ALS2: variants seen among roughly 807,000 people sequenced by gnomAD.
ALS2 encodes alsin.
Under a neutral mutation model 203.4 loss-of-function variants are expected in ALS2, and 117 were observed. The ratio of observed to expected loss-of-function variants is 0.58; its 90% confidence interval spans 0.50 to 0.67. The LOEUF (loss-of-function observed/expected upper bound fraction) is 0.67. ALS2 is among the 30% of genes least tolerant of loss of function. The pLI is 0.00. For missense variants in ALS2, 1,715 were observed against 1,989.4 expected, an observed-to-expected ratio of 0.86 and a Z score of 2.62; for synonymous variants, 718 against 725.9, an observed-to-expected ratio of 0.99 and a Z score of 0.17.
chr2:201,766,411 C>G (rs934384431), intron 3 of ALS2, among the ~76,000 whole-genome samples: 8 of 151,498 alleles, frequency 5.3e-5, no homozygotes, highest in Non-Finnish European at 7.4e-5. Flanking sequence ...TTTGGGAGGT[C>G]GAGGCGGGTG....
Position 201,701,446 on chromosome 2 carries a change from T to TTCAGGCAAA in ALS2, c.*396_*404dup, listed in dbSNP as rs1257000289. On this transcript the variant is annotated 3_prime_UTR_variant, in exon 34 of 34. Transcript: ENST00000264276. ...ACGGATCGGGGTAACTGCAGGTGGATTCAGGCAAACCAGAAATTCAAAAAT... is the reference window on the plus strand; with the variant it reads ...ACGGATCGGGGTAACTGCAGGTGGATTCAGGCAAATCAGGCAAACCAGAAATTCAAAAAT... The TTCAGGCAAA allele has an allele frequency of 1.2e-5, 2 of 171,584 alleles. No individual in the cohort carries two copies. Among genetic ancestry groups the TTCAGGCAAA allele is most frequent in the African/African-American group, 4.8e-5 (2 of 41,726 alleles). The allele number at this position is 171,584 out of a possible 1,614,324, so 10.6% of individuals were successfully genotyped here.
chr2:201,742,701 G>C (rs1158407313), intron 10 of ALS2, among the ~76,000 whole-genome samples: 1 of 152,182 alleles, frequency 6.6e-6, no homozygotes, highest in Non-Finnish European at 1.5e-5. Flanking sequence ...CACAAATGCA[G>C]ACAGTCCTCA....
chr2:201,761,916 A>G, intron 3 of ALS2, 98 bp from the exon 4 acceptor site: 1 of 1,320,482 alleles, frequency 7.6e-7, no homozygotes, highest in South Asian at 1.4e-5. Context: ...ATTTAACCAA[A>G]TTGGATTTTC....
chr2:201,758,666 T>G (rs1693550092), intron 4 of ALS2, among the ~76,000 whole-genome samples: 1 of 152,112 alleles, frequency 6.6e-6, no homozygotes, highest in Non-Finnish European at 1.5e-5. Context: ...ATTGAAAAAT[T>G]TGCTTCTTAT....
chr2:201,732,399 C>CAA (rs11288102), intron 13 of ALS2, among the ~76,000 whole-genome samples: 1,571 of 85,108 alleles, frequency 0.018, 29 homozygotes, highest in African/African-American at 0.061. Context: ...ACTAAAAATA[C>CAA]AAAAAAAAAA....
intron 7 of ALS2, among the ~76,000 whole-genome samples, chr2:201,750,394 G>C (rs1692958168): frequency 6.6e-6 from 1 of 152,080 alleles, no homozygotes; most frequent in African/African-American, 2.4e-5. Context: ...ATATGTAAGA[G>C]GCAGGATTTA....
chr2:201,746,824 C>T (rs901144929), intron 8 of ALS2, 76 bp from the exon 9 acceptor site: 40 of 1,539,240 alleles, frequency 2.6e-5, no homozygotes, highest in East Asian at 1.8e-4. Flanking sequence ...GGAACTGAAA[C>T]GTTAGGTTGC....
rs1351721214 is a variant in ALS2 at position 201,741,660 on chromosome 2, G to A, written c.2351+14C>T. ...CCTGCAGAGATTGAACATGACACGG[G>A]ACTGGATACTTGCTCTGTATAACTA... On this transcript the variant is annotated intron_variant, in intron 11 of 33. Transcript: ENST00000264276. 6.2e-7 allele frequency: 1 copy of A among 1,612,698 alleles called. No individual in the cohort carries two copies. Among genetic ancestry groups the A allele is most frequent in the Non-Finnish European group, 8.5e-7 (1 of 1,178,990 alleles).
intron 9 of ALS2, among the ~76,000 whole-genome samples, chr2:201,745,464 TAAG>T (rs1692570784): frequency 2.0e-5 from 3 of 151,946 alleles, no homozygotes; most frequent in African/African-American, 7.3e-5. Context: ...TTAATAAAAA[TAAG>T]AAATCCTAGA....
intron 1 of ALS2, among the ~76,000 whole-genome samples, chr2:201,777,861 A>G (rs534277457): frequency 6.6e-6 from 1 of 152,296 alleles, no homozygotes; most frequent in African/African-American, 2.4e-5. Flanking sequence ...TGAGATGTAT[A>G]TATGTTGGTA....
intron 14 of ALS2, 30 bp downstream of exon 14, chr2:201,729,022 G>C: frequency 6.2e-7 from 1 of 1,613,924 alleles, no homozygotes; most frequent in South Asian, 1.1e-5. Context: ...CTGTTTGCTA[G>C]GGTAACAAAT....
intron 10 of ALS2, among the ~76,000 whole-genome samples, chr2:201,742,112 G>A (rs1465628459): frequency 6.6e-6 from 1 of 152,126 alleles, no homozygotes; most frequent in Non-Finnish European, 1.5e-5. Flanking sequence ...AGACTCTCCA[G>A]GTGATTTTAA....
chr2:201,728,744 G>A, intron 14 of ALS2, 104 bp from the exon 15 acceptor site: 4 of 1,385,270 alleles, frequency 2.9e-6, no homozygotes, highest in Non-Finnish European at 3.0e-6. Context: ...GAATTTGCTG[G>A]TCGTAGCTTA....
intron 1 of ALS2, among the ~76,000 whole-genome samples, chr2:201,776,712 T>C (rs1694677926): frequency 1.3e-5 from 2 of 152,168 alleles, no homozygotes; most frequent in Admixed American, 1.3e-4. Context: ...ATGACTTCTT[T>C]CACCAACTGA....
intron 21 of ALS2, among the ~76,000 whole-genome samples, chr2:201,723,809 A>G (rs189167341): frequency 1.8e-3 from 275 of 152,356 alleles, no homozygotes; most frequent in African/African-American, 6.2e-3. Flanking sequence ...TTCTTACACA[A>G]AAGTTTGCTA....
Position 201,733,353 on chromosome 2 carries a change from TATTCA to T in ALS2, c.2498_2502del (p.Leu833HisfsTer12), listed in dbSNP as rs773267341. ...CGTCTGATTGGCAAGAAAAACAAAG[TATTCA>T]GTATTTCCATCAACTGAGTGTTTTC... is the stretch of plus-strand genomic sequence containing the variant. On this transcript the variant is annotated frameshift_variant, in exon 13 of 34. Transcript: ENST00000264276. LOFTEE classifies it high-confidence loss of function. 2.5e-6 allele frequency: 4 copies of T among 1,613,770 alleles called. No individual in the cohort carries two copies. The South Asian group carries it at 4.4e-5, about 18-fold the overall frequency.
intron 13 of ALS2, among the ~76,000 whole-genome samples, chr2:201,729,988 T>A (rs1691456395): frequency 1.3e-5 from 2 of 152,216 alleles, no homozygotes; most frequent in Admixed American, 1.3e-4. Context: ...CAGCTGGACT[T>A]TTATATCAGC....
At chr2:201,725,875 C>T (rs1466047587) in intron 19 of ALS2, among the ~76,000 whole-genome samples, 3 of 152,156 alleles carry the variant, frequency 2.0e-5, no homozygotes, top group Admixed American at 6.5e-5. Context: ...TAACACATCA[C>T]AAGAATTTAC....
intron 1 of ALS2, among the ~76,000 whole-genome samples, chr2:201,770,622 T>C (rs1217073118): frequency 2.0e-5 from 3 of 152,152 alleles, no homozygotes; most frequent in East Asian, 1.9e-4. Flanking sequence ...CTCCTTAAGA[T>C]AGAAAGATTA....
Sources: gnomAD v4.1 joint callset for allele counts (sites outside exome capture counted in the v4.1 genomes callset) on GRCh38, gnomAD v4.1.1 for gene constraint, MANE v1.5 for transcripts, NCBI Gene and HGNC (gene_info 2026-07-23, HGNC 2026-07-21) for gene names.